FREM1: variants seen among roughly 807,000 people sequenced by gnomAD.
The protein encoded by FREM1 is FRAS1-related extracellular matrix protein 1.
A neutral mutation model predicts 210.1 loss-of-function variants in FREM1; 220 were observed. That is an observed-to-expected ratio of 1.05 (90% CI 0.94 to 1.17). The LOEUF is 1.17. FREM1 is among the 50% of genes most tolerant of loss of function. The pLI is 0.00. For missense variants in FREM1, 3,454 were observed against 2,675.5 expected, an observed-to-expected ratio of 1.29 and a Z score of -6.42; for synonymous variants, 1,189 against 980.2, an observed-to-expected ratio of 1.21 and a Z score of -3.98.
At chr9:14,792,569 T>G (rs1487295031) in intron 22 of FREM1, among the ~76,000 whole-genome samples, 174 bp downstream of exon 22, 2 of 152,202 alleles carry the variant, frequency 1.3e-5, no homozygotes, top group Non-Finnish European at 2.9e-5. Flanking sequence ...TTACCCCATG[T>G]TGACAAAGAC....
chr9:14,789,106 C>T lies in FREM1; in HGVS notation c.3990G>A (p.Arg1330=). Residue 1330 remains arginine (R), a synonymous_variant, in exon 23 of 37, where the codon AGG becomes AGA. Coordinates refer to ENST00000380880, the MANE Select transcript of FREM1 (RefSeq NM_001379081.2). ...QNGQLQLKIG[R]DWVPLSPGMK... is the part of the protein sequence containing the mutation. ...TGCCAGGGGAGAGAGGAACCCAGTC[C>T]CTCCCTATCTGGAAGGAGCCAGAGT... 6.3e-7 allele frequency: 1 copy of T among 1,585,320 alleles called. No homozygotes were observed. The highest frequency in any genetic ancestry group is 8.6e-7 in the Non-Finnish European group (1 of 1,164,522).
intron 35 of FREM1, 144 bp from the exon 36 acceptor site, chr9:14,740,378 G>C (rs759994061): frequency 3.8e-5 from 23 of 607,288 alleles, no homozygotes; most frequent in Non-Finnish European, 4.4e-5. Flanking sequence ...TAATAGTGCA[G>C]TTTTATTTAA....
intron 1 of FREM1, among the ~76,000 whole-genome samples, chr9:14,872,860 TGA>T (rs1286101729): frequency 1.3e-5 from 2 of 152,034 alleles, no homozygotes; most frequent in Non-Finnish European, 2.9e-5. Context: ...CCTAATTTAT[TGA>T]GAGTTTTTAG....
intron 4 of FREM1, 113 bp downstream of exon 4, chr9:14,859,070 G>A: frequency 3.6e-6 from 3 of 840,772 alleles, no homozygotes; most frequent in East Asian, 2.7e-5. Context: ...ACACTGTTCA[G>A]CCAGCTAAAA....
At chr9:14,766,776 A>T (rs1846495043) in intron 27 of FREM1, among the ~76,000 whole-genome samples, 1 of 152,148 alleles carries the variant, frequency 6.6e-6, no homozygotes, top group African/African-American at 2.4e-5. Flanking sequence ...GGGGAATATG[A>T]ATCTATTAAT....
chr9:14,788,099 C>CA (rs1365422423), intron 23 of FREM1, among the ~76,000 whole-genome samples: 1 of 151,154 alleles, frequency 6.6e-6, no homozygotes, highest in South Asian at 2.1e-4. Flanking sequence ...GCAGCCAAGG[C>CA]AAAAAAAGGG....
intron 5 of FREM1, among the ~76,000 whole-genome samples, chr9:14,851,866 T>C (rs1827821880): frequency 6.6e-6 from 1 of 152,176 alleles, no homozygotes. Context: ...GACTCTTACA[T>C]GCAGCCAGGT....
intron 1 of FREM1, among the ~76,000 whole-genome samples, chr9:14,876,574 C>T (rs1015660054): frequency 6.6e-6 from 1 of 152,130 alleles, no homozygotes; most frequent in South Asian, 2.1e-4. Flanking sequence ...TTCCAGGTGC[C>T]GTCTGTCACC....
chr9:14,875,969 A>G (rs1833638564), intron 1 of FREM1, among the ~76,000 whole-genome samples: 1 of 152,242 alleles, frequency 6.6e-6, no homozygotes, highest in Admixed American at 6.5e-5. Flanking sequence ...GGGTATCCAC[A>G]GCAGTGGCTG....
At chr9:14,902,326 T>C (rs1049326373) in intron 1 of FREM1, among the ~76,000 whole-genome samples, 1 of 152,152 alleles carries the variant, frequency 6.6e-6, no homozygotes, top group African/African-American at 2.4e-5. Context: ...GTGTCTCCAT[T>C]ATCTCACATG....
intron 3 of FREM1, among the ~76,000 whole-genome samples, chr9:14,861,278 CAT>C (rs1247528071): frequency 2.5e-5 from 2 of 78,636 alleles, no homozygotes; most frequent in Non-Finnish European, 4.4e-5. Context: ...CACATATATA[CAT>C]ATATACATAT....
chr9:14,828,778 G>C (rs1467389037), intron 10 of FREM1, among the ~76,000 whole-genome samples: 1 of 151,948 alleles, frequency 6.6e-6, no homozygotes, highest in African/African-American at 2.4e-5. Context: ...CCCTCAACTA[G>C]CATACTTATT....
chr9:14,889,759 G>A (rs757016597), intron 1 of FREM1, among the ~76,000 whole-genome samples: 4 of 152,168 alleles, frequency 2.6e-5, no homozygotes, highest in South Asian at 2.1e-4. Flanking sequence ...TAGGTTGTCC[G>A]GGGCCTTGTA....
chr9:14,841,007 A>C (rs545001737), intron 10 of FREM1, among the ~76,000 whole-genome samples: 189 of 152,314 alleles, frequency 1.2e-3, no homozygotes, highest in South Asian at 6.6e-3. Flanking sequence ...TCACCTTCAC[A>C]ATAACTCTAA....
intron 10 of FREM1, among the ~76,000 whole-genome samples, chr9:14,831,620 T>A (rs1469576564): frequency 6.6e-6 from 1 of 152,242 alleles, no homozygotes; most frequent in Non-Finnish European, 1.5e-5. Context: ...ACCATTTTTC[T>A]ATGGGTAAAT....
chr9:14,884,915 CTTTTTTTT>C (rs745465527), intron 1 of FREM1, among the ~76,000 whole-genome samples: 4 of 70,396 alleles, frequency 5.7e-5, no homozygotes, highest in Non-Finnish European at 7.7e-5. Flanking sequence ...TTCATCATAG[CTTTTTTTT>C]TTTTTTTTTT....
intron 19 of FREM1, among the ~76,000 whole-genome samples, chr9:14,802,524 C>T (rs1408163993): frequency 6.6e-6 from 1 of 152,096 alleles, no homozygotes; most frequent in East Asian, 1.9e-4. Flanking sequence ...TTCCCATTCC[C>T]TCTCACACCC....
Position 14,746,961 on chromosome 9 carries a change from T to C in FREM1, c.6100A>G (p.Asn2034Asp). The change falls in exon 34 of 37, where the codon AAT becomes GAT. Residue 2034 changes from asparagine (N) to aspartate (D), a missense_variant. By Grantham distance (23) the Asn-to-Asp change is conservative. Coordinates refer to ENST00000380880, the MANE Select transcript of FREM1 (RefSeq NM_001379081.2). ...EEGIQKLYQCNGIAWKAWSPQ... is the reference protein window; with the variant it reads ...EEGIQKLYQCDGIAWKAWSPQ... ...CTCCAGGCTTTCCAGGCGATCCCATTGCACTGATACAGCTTCTGGATGCCT... is the reference window on the plus strand; with the variant it reads ...CTCCAGGCTTTCCAGGCGATCCCATCGCACTGATACAGCTTCTGGATGCCT... The C allele has an allele frequency of 6.2e-7, 1 of 1,613,482 alleles. No individual in the cohort carries two copies. The highest frequency in any genetic ancestry group is 8.5e-7 in the Non-Finnish European group (1 of 1,179,724).
At chr9:14,852,777 TA>T in intron 5 of FREM1, among the ~76,000 whole-genome samples, 1 of 152,230 alleles carries the variant, frequency 6.6e-6, no homozygotes, top group East Asian at 1.9e-4. Flanking sequence ...CAGGCTCAGT[TA>T]CCAAATTCAC....
Sources: gnomAD v4.1 joint callset for allele counts (sites outside exome capture counted in the v4.1 genomes callset) on GRCh38, gnomAD v4.1.1 for gene constraint, MANE v1.5 for transcripts, NCBI Gene and HGNC (gene_info 2026-07-23, HGNC 2026-07-21) for gene names.